Variants in CCDC175 observed in about 807,000 individuals in gnomAD.
CCDC175 encodes the protein coiled-coil domain containing 175, also known as coiled-coil domain-containing protein 175.
CCDC175 carries 100 observed loss-of-function variants against 114.6 expected under a neutral mutation model. The observed-to-expected ratio is 0.87, with a 90% CI of 0.74 to 1.03. The LOEUF (loss-of-function observed/expected upper bound fraction) is 1.03. Ranked by LOEUF, CCDC175 falls within the 50% of genes least tolerant of loss-of-function variation. The pLI, the probability that CCDC175 is intolerant of heterozygous loss-of-function variation, is 0.00. For synonymous variants in CCDC175, 306 were observed against 308.7 expected (o/e 0.99, Z 0.09); for missense variants, 880 against 917.8 (o/e 0.96, Z 0.53).
At chr14:59,560,400 C>T (rs1172645153) in intron 7 of CCDC175, among the ~76,000 whole-genome samples, 1 of 152,112 alleles carries the variant, frequency 6.6e-6, no homozygotes, top group Non-Finnish European at 1.5e-5. Flanking sequence ...TCTTCTTGTG[C>T]AGAGCTGATT....
chr14:59,521,474 C>A, intron 17 of CCDC175, 100 bp downstream of exon 17: 1 of 653,154 alleles, frequency 1.5e-6, no homozygotes, highest in South Asian at 2.0e-5. Flanking sequence ...TCATGTGAGT[C>A]AGTTCTCCTT....
intron 7 of CCDC175, among the ~76,000 whole-genome samples, chr14:59,555,223 C>T (rs1275534453): frequency 6.6e-6 from 1 of 152,160 alleles, no homozygotes; most frequent in African/African-American, 2.4e-5. Flanking sequence ...CAATAAAATA[C>T]TGGCAAACCG....
intron 7 of CCDC175, among the ~76,000 whole-genome samples, chr14:59,558,672 GTC>G (rs759656337): frequency 3.9e-5 from 6 of 152,084 alleles, no homozygotes; most frequent in Non-Finnish European, 8.8e-5. Flanking sequence ...GAAATCAAGA[GTC>G]TGTTCAGGAC....
intron 3 of CCDC175, among the ~76,000 whole-genome samples, chr14:59,570,216 T>A (rs1266216149): frequency 6.6e-6 from 1 of 152,136 alleles, no homozygotes; most frequent in Non-Finnish European, 1.5e-5. Context: ...GACTGCTGGA[T>A]GCTGCAGGAC....
At chr14:59,576,306 TA>T (rs942523575) in intron 1 of CCDC175, among the ~76,000 whole-genome samples, 3 of 152,162 alleles carry the variant, frequency 2.0e-5, no homozygotes, top group African/African-American at 7.2e-5. Context: ...AGGCATAATC[TA>T]AATGCAGGTG....
chr14:59,561,778 G>A (rs1029713299), intron 6 of CCDC175, among the ~76,000 whole-genome samples: 15 of 152,238 alleles, frequency 9.9e-5, no homozygotes, highest in Middle Eastern at 3.4e-3. Flanking sequence ...TAATGAAACC[G>A]ACATTTTTGC....
intron 8 of CCDC175, among the ~76,000 whole-genome samples, chr14:59,549,728 A>AAAAAAAAAAAG (rs1895346090): frequency 6.9e-6 from 1 of 144,120 alleles, no homozygotes; most frequent in East Asian, 1.9e-4. Context: ...TCAAAAAAAA[A>AAAAAAAAAAAG]AAGAAAAAGA....
Position 59,575,031 on chromosome 14 carries a change from G to GAAA in CCDC175, c.158-6_158-4dup. On this transcript the variant is annotated splice_polypyrimidine_tract_variant and splice_region_variant and intron_variant, in intron 1 of 19. Coordinates refer to ENST00000537690, the MANE Select transcript of CCDC175 (RefSeq NM_001164399.2). ...ATAGTCACTTTGCAGTGATTGTTCT[G>GAAA]AAAAAAAAATTAGAAAATAAAGATC... The GAAA allele has an allele frequency of 7.2e-7, 1 of 1,382,534 alleles. No individual in the cohort carries two copies. The highest frequency in any genetic ancestry group is 9.7e-7 in the Non-Finnish European group (1 of 1,033,030). 85.6% of individuals were successfully genotyped at this position (1,382,534 alleles called of 1,614,324 possible).
At position 59,576,678 on chromosome 14, in the gene CCDC175, A is replaced by G. The variant is rs1453341180; in HGVS notation, c.98T>C (p.Leu33Ser). The stretch of plus-strand genomic sequence containing the variant: ...GACCGAGGAGCCCAGGGTGGAGGGT[A>G]AGGTGCATAACTCCAGGGAGGGGCC... ...STGPSLELCT[L>S]PSTLGSSVAV... The change falls in exon 1 of 20, where the codon TTA becomes TCA. Residue 33 changes from leucine to serine, a missense_variant. Physicochemically the swap from Leu to Ser is moderately radical, Grantham distance 145 (BLOSUM62 -2). Transcript: ENST00000537690. 4.7e-6 allele frequency: 7 copies of G among 1,485,574 alleles called. No homozygotes were observed. The highest frequency in any genetic ancestry group is 6.2e-6 in the Non-Finnish European group (7 of 1,125,592). 92.0% of individuals were successfully genotyped at this position (1,485,574 alleles called of 1,614,324 possible). A position where few individuals can be genotyped will look rare whatever the true frequency, so the allele number is the denominator to read the frequency against.
chr14:59,524,998 A>T (rs2139990756), intron 16 of CCDC175, among the ~76,000 whole-genome samples: 1 of 152,290 alleles, frequency 6.6e-6, no homozygotes, highest in Admixed American at 6.5e-5. Flanking sequence ...AGGGAAAACT[A>T]GCCTATGGTG....
Position 59,568,229 on chromosome 14 carries a change from A to G in CCDC175, c.491+16T>C. 3 of 1,521,274 alleles carry G rather than the reference A, an allele frequency of 2.0e-6. No homozygotes were observed. The highest frequency in any genetic ancestry group is 2.6e-6 in the Non-Finnish European group (3 of 1,142,782). The allele number at this position is 1,521,274 out of a possible 1,614,324, so 94.2% of individuals were successfully genotyped here. A position where few individuals can be genotyped will look rare whatever the true frequency, so the allele number is the denominator to read the frequency against. ...AGACCCCTGCTCCCTCAAATACTGA[A>G]TATAAGAATACCTACCCCAGAGCTT... On this transcript the variant is annotated intron_variant, in intron 4 of 19. Coordinates refer to ENST00000537690, the MANE Select transcript of CCDC175 (RefSeq NM_001164399.2).
intron 17 of CCDC175, among the ~76,000 whole-genome samples, chr14:59,517,570 A>G (rs1476271072): frequency 1.3e-5 from 2 of 152,228 alleles, no homozygotes; most frequent in Non-Finnish European, 2.9e-5. Context: ...CCCATTCACA[A>G]TTGCTTCAAA....
chr14:59,518,015 C>T (rs1202000447), intron 17 of CCDC175, among the ~76,000 whole-genome samples: 17 of 152,014 alleles, frequency 1.1e-4, no homozygotes, highest in East Asian at 1.9e-4. Flanking sequence ...GAAATAATGC[C>T]GCATATCTAC....
chr14:59,518,224 G>A (rs1893217562), intron 17 of CCDC175, among the ~76,000 whole-genome samples: 1 of 152,122 alleles, frequency 6.6e-6, no homozygotes, highest in Non-Finnish European at 1.5e-5. Context: ...AACCCTAGAA[G>A]AAAACCTAGG....
At chr14:59,506,254 G>A (rs1180254650) in intron 19 of CCDC175, among the ~76,000 whole-genome samples, 1 of 150,006 alleles carries the variant, frequency 6.7e-6, no homozygotes, top group Non-Finnish European at 1.5e-5. Flanking sequence ...ATGTTGAATT[G>A]GTCTGTGTTT....
chr14:59,549,110 T>C (rs1466615729), intron 8 of CCDC175, among the ~76,000 whole-genome samples: 1 of 152,244 alleles, frequency 6.6e-6, no homozygotes. Context: ...ATTAAATTTG[T>C]TTTAGAAACT....
Position 59,561,188 on chromosome 14 carries a change from T to G in CCDC175, c.884A>C (p.Glu295Ala). 1 of 1,535,634 alleles carries G rather than the reference T, an allele frequency of 6.5e-7. No homozygotes were observed. Among genetic ancestry groups the G allele is most frequent in the Non-Finnish European group, 8.7e-7 (1 of 1,145,732 alleles). ...CTCTTGTTCCCAATACCTTATTGAT[T>G]CGTGTAGTCGTGCTATCTCTAAATT... ...DHNLEIARLHESIRYWEQEVS... is the reference protein window; with the variant it reads ...DHNLEIARLHASIRYWEQEVS... Residue 295 changes from glutamate to alanine, a missense_variant, in exon 7 of 20, where the codon GAA becomes GCA. Glu to Ala is a moderately radical substitution (Grantham distance 107). Transcript: ENST00000537690.
chr14:59,568,928 T>G (rs546404189), intron 3 of CCDC175, among the ~76,000 whole-genome samples: 86 of 152,354 alleles, frequency 5.6e-4, no homozygotes, highest in Middle Eastern at 6.8e-3. Flanking sequence ...TTGACCTTGC[T>G]TTGGTCTCCT....
intron 17 of CCDC175, among the ~76,000 whole-genome samples, chr14:59,517,277 T>C (rs1893147807): frequency 6.6e-6 from 1 of 152,186 alleles, no homozygotes; most frequent in Admixed American, 6.5e-5. Context: ...GGATGCCCTC[T>C]CTCACCACTC....
Sources: allele counts gnomAD v4.1 joint callset (sites outside exome capture counted in the v4.1 genomes callset), GRCh38; gene constraint gnomAD v4.1.1; transcripts MANE v1.5; gene names NCBI Gene and HGNC (gene_info 2026-07-23, HGNC 2026-07-21).